Variants in FTO observed in about 807,000 individuals in gnomAD.
The protein encoded by FTO is alpha-ketoglutarate-dependent dioxygenase FTO.
FTO carries 47 observed loss-of-function variants against 63.9 expected under a neutral mutation model. That is an observed-to-expected ratio of 0.74 (90% CI 0.58 to 0.94). The LOEUF (loss-of-function observed/expected upper bound fraction) is 0.94, where lower values mean the gene tolerates loss of function less well. Ranked by LOEUF, FTO falls within the 40% of genes least tolerant of loss-of-function variation. The probability of loss-of-function intolerance (pLI) is 0.00; values close to 1 mark genes in which losing one functional copy is unlikely to be tolerated. For missense variants in FTO, 562 were observed against 618.1 expected (o/e 0.91, Z 0.96); for synonymous variants, 207 against 224.4 (o/e 0.92, Z 0.69).
intron 7 of FTO, among the ~76,000 whole-genome samples, chr16:53,922,768 A>G (rs541503135): frequency 1.3e-5 from 2 of 152,340 alleles, no homozygotes; most frequent in Non-Finnish European, 2.9e-5. Flanking sequence ...CCCAGAACCA[A>G]CAGTAGAACA....
intron 1 of FTO, among the ~76,000 whole-genome samples, chr16:53,735,736 A>G (rs2076378088): frequency 6.6e-6 from 1 of 152,180 alleles, no homozygotes; most frequent in African/African-American, 2.4e-5. Flanking sequence ...GCCTCAATCT[A>G]TCTGTGTAAG....
intron 4 of FTO, among the ~76,000 whole-genome samples, chr16:53,860,124 C>T (rs2080128482): frequency 6.6e-6 from 1 of 152,028 alleles, no homozygotes; most frequent in South Asian, 2.1e-4. Context: ...CACATATCCA[C>T]ACATAATGAA....
intron 1 of FTO, among the ~76,000 whole-genome samples, chr16:53,786,242 A>G (rs1598652607): frequency 6.6e-6 from 1 of 152,190 alleles, no homozygotes; most frequent in African/African-American, 2.4e-5. Flanking sequence ...ATTTGTTGGA[A>G]TATGAGATTA....
chr16:53,856,740 A>G (rs2080010841), intron 4 of FTO, among the ~76,000 whole-genome samples: 1 of 150,104 alleles, frequency 6.7e-6, no homozygotes, highest in Admixed American at 6.6e-5. Context: ...ACAGAGCCAG[A>G]CTCCATCTCA....
rs79209769 is a variant in FTO at position 54,051,029 on chromosome 16, T to C, written c.1365-60733T>C. 5.3e-4 allele frequency among the ~76,000 whole-genome samples: 80 copies of C among 152,312 alleles called. No individual in the cohort carries two copies. In the East Asian group the frequency reaches 0.015, roughly 28 times the overall value. On this transcript the variant is annotated intron_variant, in intron 8 of 8. Coordinates refer to ENST00000471389, the MANE Select transcript of FTO (RefSeq NM_001080432.3). ...CATCTTCAATTTCCTGATTGCATAA[T>C]AGAAATGGGATTTCTTTTTCCTCTA...
chr16:53,815,899 T>C (rs1446005787), intron 2 of FTO, among the ~76,000 whole-genome samples: 2 of 152,040 alleles, frequency 1.3e-5, no homozygotes, highest in Non-Finnish European at 2.9e-5. Context: ...TCCGCCTGCC[T>C]CGGCCTCCCA....
intron 8 of FTO, among the ~76,000 whole-genome samples, chr16:54,019,388 A>G (rs1194176207): frequency 6.6e-6 from 1 of 152,234 alleles, no homozygotes; most frequent in African/African-American, 2.4e-5. Flanking sequence ...AGTGCCTCCC[A>G]TAGGCATCAT....
At chr16:53,857,681 C>G (rs947502562) in intron 4 of FTO, among the ~76,000 whole-genome samples, 1 of 152,134 alleles carries the variant, frequency 6.6e-6, no homozygotes, top group Non-Finnish European at 1.5e-5. Flanking sequence ...AAGGGTATCC[C>G]TCTTGACACT....
intron 8 of FTO, among the ~76,000 whole-genome samples, chr16:54,106,920 TATTAA>T (rs2086769580): frequency 7.0e-6 from 1 of 142,058 alleles, no homozygotes; most frequent in Non-Finnish European, 1.5e-5. Context: ...ATATATAATA[TATTAA>T]AAGTATATGT....
At chr16:54,031,080 T>G (rs1254440972) in intron 8 of FTO, among the ~76,000 whole-genome samples, 1 of 152,230 alleles carries the variant, frequency 6.6e-6, no homozygotes, top group African/African-American at 2.4e-5. Flanking sequence ...GTGAAAATTC[T>G]TATATAACCA....
intron 8 of FTO, chr16:54,072,549 G>A (rs8057424): frequency 0.1 from 15,171 of 152,246 alleles, 1,407 homozygotes; most frequent in African/African-American, 0.25. Flanking sequence ...CAGTATGTAC[G>A]GGGCTACTGG....
chr16:53,997,870 A>G (rs1415999559), intron 8 of FTO, among the ~76,000 whole-genome samples: 1 of 152,218 alleles, frequency 6.6e-6, no homozygotes, highest in Admixed American at 6.5e-5. Flanking sequence ...TAAGCATAAT[A>G]AAAGCAGGAG....
chr16:53,863,219 CTT>C, intron 4 of FTO, among the ~76,000 whole-genome samples: 1 of 152,128 alleles, frequency 6.6e-6, no homozygotes, highest in East Asian at 1.9e-4. Flanking sequence ...TTCGAGTAAA[CTT>C]TTTTCAGAAA....
chr16:54,056,118 A>T (rs1485839534), intron 8 of FTO, among the ~76,000 whole-genome samples: 1 of 152,232 alleles, frequency 6.6e-6, no homozygotes. Context: ...AGTGCGTAAC[A>T]ATAGCATGCA....
chr16:54,031,074 A>G (rs1487686360), intron 8 of FTO, among the ~76,000 whole-genome samples: 2 of 152,226 alleles, frequency 1.3e-5, no homozygotes, highest in Admixed American at 6.5e-5. Context: ...TAAAATGTGA[A>G]AATTCTTATA....
At chr16:53,855,597 T>A (rs1207889703) in intron 4 of FTO, among the ~76,000 whole-genome samples, 1 of 152,058 alleles carries the variant, frequency 6.6e-6, no homozygotes, top group Non-Finnish European at 1.5e-5. Context: ...CAAAAGGAAG[T>A]ATTAATTCTA....
At chr16:53,979,477 C>T in intron 8 of FTO, 1 of 398,172 alleles carries the variant, frequency 2.5e-6, no homozygotes, top group East Asian at 3.6e-5. Context: ...ATTTTATGGA[C>T]TAAAAGTAAC....
intron 8 of FTO, among the ~76,000 whole-genome samples, chr16:53,983,349 A>AT (rs1398071073): frequency 3.3e-5 from 5 of 151,930 alleles, no homozygotes; most frequent in African/African-American, 1.2e-4. Flanking sequence ...CCCCTAGGGT[A>AT]TTGGATAATT....
chr16:54,055,741 G>A (rs2085416831), intron 8 of FTO, among the ~76,000 whole-genome samples: 2 of 152,246 alleles, frequency 1.3e-5, no homozygotes, highest in African/African-American at 4.8e-5. Flanking sequence ...TAAAAATTAA[G>A]GAAATTAAAT....
Sources: allele counts gnomAD v4.1 joint callset (sites outside exome capture counted in the v4.1 genomes callset), GRCh38; gene constraint gnomAD v4.1.1; transcripts MANE v1.5; gene names NCBI Gene and HGNC (gene_info 2026-07-23, HGNC 2026-07-21).